TTLL2: variants seen among roughly 807,000 people sequenced by gnomAD.
TTLL2 encodes the protein probable tubulin polyglutamylase TTLL2.
TTLL2 carries 10 observed loss-of-function variants against 7.5 expected under a neutral mutation model. That is an observed-to-expected ratio of 1.33 (90% confidence interval 0.82 to 2.25). The LOEUF is 2.25. Ranked by LOEUF, TTLL2 falls within the 30% of genes most tolerant of loss-of-function variation. The pLI is 0.00. For missense variants in TTLL2, 733 were observed against 735.7 expected, an observed-to-expected ratio of 1.00 and a Z score of 0.04; for synonymous variants, 284 against 280.3, an observed-to-expected ratio of 1.01 and a Z score of -0.13.
intron 1 of TTLL2, chr6:167,328,244 A>G: frequency 4.9e-6 from 2 of 405,954 alleles, no homozygotes; most frequent in South Asian, 1.8e-5. Flanking sequence ...GCTCTCTCCT[A>G]CTGCATCCTG....
intron 1 of TTLL2, among the ~76,000 whole-genome samples, chr6:167,336,835 A>T (rs1466480813): frequency 6.6e-6 from 1 of 152,232 alleles, no homozygotes; most frequent in Non-Finnish European, 1.5e-5. Context: ...AGTCAGCTTT[A>T]AAAACAGCAT....
intron 1 of TTLL2, among the ~76,000 whole-genome samples, chr6:167,335,875 G>T (rs1276824278): frequency 2.0e-5 from 3 of 148,176 alleles, no homozygotes; most frequent in Admixed American, 6.7e-5. Flanking sequence ...AATGCTAGAT[G>T]ACGAGTTAGT....
chr6:167,338,069 T>TACA (rs201233995), intron 1 of TTLL2, among the ~76,000 whole-genome samples: 3,208 of 150,326 alleles, frequency 0.021, 124 homozygotes, highest in African/African-American at 0.075. Context: ...ACATAAAACA[T>TACA]ACAAGCAGCA....
rs753336689 is a variant in TTLL2 at position 167,342,224 on chromosome 6, G to A, written c.*545G>A. ...TTGAAATCAGACTTTGCACCAAAGA[G>A]CTCCCTGTGGGGGCATCTTTGGGCT... On this transcript the variant is annotated 3_prime_UTR_variant, in exon 3 of 3. Transcript: ENST00000239587. Among the ~76,000 whole-genome samples, 1 of 152,180 alleles carries A rather than the reference G, an allele frequency of 6.6e-6. No homozygotes were observed. Among genetic ancestry groups the A allele is most frequent in the Admixed American group, 6.5e-5 (1 of 15,290 alleles).
At chr6:167,330,934 GC>G (rs1359340074) in intron 1 of TTLL2, among the ~76,000 whole-genome samples, 1 of 152,128 alleles carries the variant, frequency 6.6e-6, no homozygotes, top group African/African-American at 2.4e-5. Flanking sequence ...GCTCGATAGC[GC>G]CTGACTGGGC....
chr6:167,331,110 C>T lies in TTLL2; in HGVS notation c.47+5890C>T, dbSNP rs925411849. On this transcript the variant is annotated intron_variant, in intron 1 of 2. Transcript: ENST00000239587. The stretch of plus-strand genomic sequence containing the variant: ...ATGAGTGTCATTTTCTCTTTATTTT[C>T]ATTATTTTATTTTATTAACTGAAAA... 5.3e-5 allele frequency among the ~76,000 whole-genome samples: 8 copies of T among 152,248 alleles called. No homozygotes were observed. In the East Asian group the frequency reaches 1.5e-3, roughly 29 times the overall value.
rs757595084 is a variant in TTLL2 at position 167,338,676 on chromosome 6, C to A, written c.77C>A (p.Thr26Asn). 3.1e-6 allele frequency: 5 copies of A among 1,613,950 alleles called. No individual in the cohort carries two copies. Among genetic ancestry groups the A allele is most frequent in the African/African-American group, 1.3e-5 (1 of 74,914 alleles). The change falls in exon 2 of 3, where the codon ACC becomes AAC. Residue 26 changes from threonine to asparagine, a missense_variant. Thr to Asn is a moderately conservative substitution (Grantham distance 65). Transcript: ENST00000239587. ...GSLRTTTPAF[T>N]LNIPSEANHT... is the part of the protein sequence containing the mutation. ...TTGAGAACCACCACCCCAGCCTTTA[C>A]CCTTAACATTCCATCCGAGGCAAAC...
intron 1 of TTLL2, among the ~76,000 whole-genome samples, chr6:167,335,744 T>A (rs1358638057): frequency 1.3e-5 from 2 of 148,778 alleles, no homozygotes; most frequent in African/African-American, 5.0e-5. Flanking sequence ...CACCACATAT[T>A]CTCACTCATA....
rs1414344632 is a variant in TTLL2, at chr6:167,342,663, A to G, written c.*984A>G. On this transcript the variant is annotated 3_prime_UTR_variant, in exon 3 of 3. Coordinates refer to ENST00000239587, the MANE Select transcript of TTLL2 (RefSeq NM_031949.5). The stretch of plus-strand genomic sequence containing the variant: ...GTACATTTTGTGTTATGTGTGTTTT[A>G]CCACAATAAAAAAGTTAAAAGCTGG... Among the ~76,000 whole-genome samples, 1 of 152,154 alleles carries G rather than the reference A, an allele frequency of 6.6e-6. No homozygotes were observed. The highest frequency in any genetic ancestry group is 1.5e-5 in the Non-Finnish European group (1 of 68,032).
Position 167,340,703 on chromosome 6 carries a change from T to G in TTLL2, c.803T>G (p.Leu268Trp). 6.2e-7 allele frequency: 1 copy of G among 1,614,238 alleles called. No individual in the cohort carries two copies. The highest frequency in any genetic ancestry group is 8.5e-7 in the Non-Finnish European group (1 of 1,180,048). ...GTTTGTGTTACTGGCTTTAAGCCTT[T>G]GACCATTTATGTTTATCAGGAAGGG... ...IYVCVTGFKP[L>W]TIYVYQEGLV... is the part of the protein sequence containing the mutation. The change falls in exon 3 of 3, where the codon TTG becomes TGG. Residue 268 changes from leucine (L) to tryptophan (W), a missense_variant. Transcript: ENST00000239587.
rs558533432 is a variant in TTLL2 at position 167,326,761 on chromosome 6, G to A, written c.47+1541G>A. Among the ~76,000 whole-genome samples, 316 of 152,278 alleles carry A rather than the reference G, an allele frequency of 2.1e-3. 1 individual carries two copies. The highest frequency in any genetic ancestry group is 3.8e-3 in the Non-Finnish European group (259 of 68,028). ...TTGTGTTTTTAGCTCATCAGCTGTC[G>A]TTAGTGTGAGTGTATTTTATGTGTG... On this transcript the variant is annotated intron_variant, in intron 1 of 2. Transcript: ENST00000239587.
At chr6:167,331,651 G>A (rs965332539) in intron 1 of TTLL2, among the ~76,000 whole-genome samples, 25 of 152,106 alleles carry the variant, frequency 1.6e-4, no homozygotes, top group African/African-American at 6.0e-4. Context: ...GAAGGGCTCC[G>A]TACTTTTATA....
chr6:167,338,517 C>T, intron 1 of TTLL2, 130 bp from the exon 2 acceptor site: 1 of 1,230,064 alleles, frequency 8.1e-7, no homozygotes. Flanking sequence ...AATTTGAAAG[C>T]ATTACTGCAA....
chr6:167,336,439 G>A (rs1303760062), intron 1 of TTLL2, among the ~76,000 whole-genome samples: 2 of 151,678 alleles, frequency 1.3e-5, no homozygotes, highest in African/African-American at 4.9e-5. Context: ...TTTGTATTAG[G>A]TATTAATAAT....
At chr6:167,336,988 C>T (rs1191525140) in intron 1 of TTLL2, among the ~76,000 whole-genome samples, 4 of 152,194 alleles carry the variant, frequency 2.6e-5, no homozygotes, top group African/African-American at 9.7e-5. Context: ...ATGACCCACA[C>T]CCCAGCCCTC....
rs1779106951 is a variant in TTLL2, at chr6:167,342,212, T to A, written c.*533T>A. On this transcript the variant is annotated 3_prime_UTR_variant, in exon 3 of 3. Coordinates refer to ENST00000239587, the MANE Select transcript of TTLL2 (RefSeq NM_031949.5). Reference sequence around the variant, plus strand: ...CAAATCCTGGGCTTGAAATCAGACTTTGCACCAAAGAGCTCCCTGTGGGGG... The same window carrying A: ...CAAATCCTGGGCTTGAAATCAGACTATGCACCAAAGAGCTCCCTGTGGGGG... Among the ~76,000 whole-genome samples, 1 of 152,204 alleles carries A rather than the reference T, an allele frequency of 6.6e-6. No homozygotes were observed. Among genetic ancestry groups the A allele is most frequent in the Non-Finnish European group, 1.5e-5 (1 of 68,038 alleles).
rs1779107191 is a variant in TTLL2, at chr6:167,342,230, T to G, written c.*551T>G. Among the ~76,000 whole-genome samples the G allele has an allele frequency of 6.6e-6, 1 of 152,232 alleles. No individual in the cohort carries two copies. The highest frequency in any genetic ancestry group is 2.4e-5 in the African/African-American group (1 of 41,442). On this transcript the variant is annotated 3_prime_UTR_variant, in exon 3 of 3. Coordinates refer to ENST00000239587, the MANE Select transcript of TTLL2 (RefSeq NM_031949.5). ...TCAGACTTTGCACCAAAGAGCTCCC[T>G]GTGGGGGCATCTTTGGGCTGTATTT...
In TTLL2 at chr6:167,341,089, T is replaced by C; in HGVS notation, c.1189T>C (p.Cys397Arg). ...CTACAGCCCAGCCTTGACCTTGGAT[T>C]GTTCAACAGATGTGTTGGTGAAGAG... ...VNYSPALTLD[C>R]STDVLVKRKL... The change falls in exon 3 of 3, where the codon TGT (cysteine) becomes CGT (arginine). Residue 397 changes from cysteine (C) to arginine (R), a missense_variant. Physicochemically the swap from Cys to Arg is radical, Grantham distance 180. Transcript: ENST00000239587. The C allele has an allele frequency of 6.2e-7, 1 of 1,614,018 alleles. No individual in the cohort carries two copies. The highest frequency in any genetic ancestry group is 1.1e-5 in the South Asian group (1 of 91,072).
At chr6:167,338,041 AAC>A (rs1779013448) in intron 1 of TTLL2, among the ~76,000 whole-genome samples, 1 of 151,972 alleles carries the variant, frequency 6.6e-6, no homozygotes, top group South Asian at 2.1e-4. Context: ...CATGCAATAC[AAC>A]ACACACTCAT....
Sources: gnomAD v4.1 joint callset for allele counts (sites outside exome capture counted in the v4.1 genomes callset) on GRCh38, gnomAD v4.1.1 for gene constraint, MANE v1.5 for transcripts, NCBI Gene and HGNC (gene_info 2026-07-23, HGNC 2026-07-21) for gene names.